The following PREX1 variants were observed in gnomAD, a reference collection of about 807,000 sequenced individuals.
PREX1 encodes phosphatidylinositol-3,4,5-trisphosphate dependent Rac exchange factor 1.
In PREX1, 41 loss-of-function variants were observed where a neutral mutation model predicts 198.3. The ratio of observed to expected loss-of-function variants is 0.21; its 90% confidence interval spans 0.16 to 0.27. The LOEUF is 0.27. Ranked by LOEUF, PREX1 falls within the 10% of genes least tolerant of loss-of-function variation. PREX1 has a pLI of 1.00. For synonymous variants in PREX1, 843 were observed against 887.2 expected, an observed-to-expected ratio of 0.95 and a Z score of 0.89; for missense variants, 1,620 against 2,200.7, an observed-to-expected ratio of 0.74 and a Z score of 5.28.
rs369733036 is a variant in PREX1 at position 48,688,662 on chromosome 20, A to G, written c.1329T>C (p.Leu443=). 1.4e-5 allele frequency: 22 copies of G among 1,614,120 alleles called. No individual in the cohort carries two copies. The South Asian group carries it at 2.3e-4, about 17-fold the overall frequency. Residue 443 remains leucine, a synonymous_variant, in exon 10 of 40, where the codon CTT becomes CTC. Transcript: ENST00000371941. The part of the protein sequence containing the change: ...RKLSTVPKCF[L]GNEFVAWLLE... ...TTCAGAGTGAGGCTACTCACTTGCC[A>G]AGAAAGCACTTGGGGACAGTGCTCA... is the stretch of plus-strand genomic sequence containing the variant.
intron 14 of PREX1, among the ~76,000 whole-genome samples, chr20:48,672,718 C>G (rs76278087): frequency 0.041 from 6,294 of 152,346 alleles, 174 homozygotes; most frequent in Middle Eastern, 0.068. Flanking sequence ...TCACTCCCCA[C>G]TTCCCTCAGC....
intron 16 of PREX1, among the ~76,000 whole-genome samples, chr20:48,659,132 GGAGAGGA>G (rs1179860548): frequency 2.2e-4 from 32 of 147,184 alleles, no homozygotes; most frequent in Middle Eastern, 3.4e-3. Flanking sequence ...GGGAGGCAGA[GGAGAGGA>G]GAGAGGAGAG....
In PREX1 at chr20:48,624,900, AAG is replaced by A. The variant is rs1259832010; in HGVS notation, c.*983_*984del. 5.9e-5 allele frequency: 9 copies of A among 152,262 alleles called. No homozygotes were observed. The highest frequency in any genetic ancestry group is 5.2e-4 in the Admixed American group (8 of 15,276). 9.4% of individuals were successfully genotyped at this position (152,262 alleles called of 1,614,324 possible). A position where few individuals can be genotyped will look rare whatever the true frequency, so the allele number is the denominator to read the frequency against. On this transcript the variant is annotated 3_prime_UTR_variant, in exon 40 of 40. Coordinates refer to ENST00000371941, the MANE Select transcript of PREX1 (RefSeq NM_020820.4). ...TCAGGCCCTTGTAGCCAGTCACTCA[AAG>A]AGAGCGAGTTCTAACACCGGCCAAC... is the stretch of plus-strand genomic sequence containing the variant.
intron 1 of PREX1, among the ~76,000 whole-genome samples, chr20:48,806,033 G>A (rs1157016309): frequency 1.3e-5 from 2 of 152,238 alleles, no homozygotes; most frequent in African/African-American, 2.4e-5. Context: ...GTAATACTGT[G>A]TGATAAGGCT....
At chr20:48,629,309 A>G (rs1477321264) in intron 37 of PREX1, 140 bp downstream of exon 37, 1 of 1,174,920 alleles carries the variant, frequency 8.5e-7, no homozygotes, top group Non-Finnish European at 1.2e-6. Context: ...ACTGAGGTGC[A>G]GACAGAGCCA....
chr20:48,786,698 T>C (rs1049550144), intron 1 of PREX1, among the ~76,000 whole-genome samples: 1 of 145,550 alleles, frequency 6.9e-6, no homozygotes, highest in Non-Finnish European at 1.5e-5. Context: ...TGAGCCAAGA[T>C]CATGCCACTG....
chr20:48,794,271 A>G (rs1035921254), intron 1 of PREX1, among the ~76,000 whole-genome samples: 25 of 152,208 alleles, frequency 1.6e-4, no homozygotes, highest in East Asian at 5.8e-4. Context: ...GAAGCCAGAC[A>G]GTGAGAGGGA....
At chr20:48,849,709 T>A in the PREX1 span, among the ~76,000 whole-genome samples, 1 of 152,260 alleles carries the variant, frequency 6.6e-6, no homozygotes, top group Non-Finnish European at 1.5e-5. Context: ...GTGCAAAATG[T>A]CTTTTACATC....
intron 18 of PREX1, among the ~76,000 whole-genome samples, chr20:48,655,880 T>G (rs1213723142): frequency 1.3e-5 from 2 of 152,124 alleles, no homozygotes; most frequent in African/African-American, 4.8e-5. Context: ...GCAATGGGTG[T>G]CACTGCTCCT....
chr20:48,791,746 A>G (rs1240508602), intron 1 of PREX1, among the ~76,000 whole-genome samples: 3 of 152,234 alleles, frequency 2.0e-5, no homozygotes, highest in Non-Finnish European at 4.4e-5. Context: ...AGAGTATGCA[A>G]ACTGGCAACC....
chr20:48,756,626 G>A (rs922229731), intron 1 of PREX1, among the ~76,000 whole-genome samples: 4 of 152,120 alleles, frequency 2.6e-5, no homozygotes, highest in African/African-American at 9.7e-5. Flanking sequence ...CTTCCTGAAA[G>A]CATACAAAGA....
chr20:48,675,889 C>T (rs1282551814), intron 14 of PREX1, among the ~76,000 whole-genome samples: 1 of 152,010 alleles, frequency 6.6e-6, no homozygotes, highest in East Asian at 1.9e-4. Context: ...TTACAAAAAT[C>T]AGCTGGGTGT....
rs2089639121 is a variant in PREX1, at chr20:48,666,166, C to T, written c.1738+117G>A. 9.3e-7 allele frequency: 1 copy of T among 1,077,728 alleles called. No individual in the cohort carries two copies. Among genetic ancestry groups the T allele is most frequent in the Non-Finnish European group, 1.3e-6 (1 of 746,008 alleles). The allele number at this position is 1,077,728 out of a possible 1,614,324, so 66.8% of individuals were successfully genotyped here. On this transcript the variant is annotated intron_variant, in intron 15 of 39. Coordinates refer to ENST00000371941, the MANE Select transcript of PREX1 (RefSeq NM_020820.4). The surrounding 1 kb of genome is among the most constrained non-coding windows in gnomAD (Gnocchi z 4.3). The stretch of plus-strand genomic sequence containing the variant: ...GGGAGGTGGGATTCGTGAGCCTCCC[C>T]AAACCCCCGGGGGTCTAGAGAGCCA...
chr20:48,858,868 G>A, the PREX1 span, among the ~76,000 whole-genome samples: 7 of 152,132 alleles, frequency 4.6e-5, no homozygotes, highest in Non-Finnish European at 7.4e-5. Context: ...ACTGTACTGC[G>A]TACTTTATTT....
the PREX1 span, among the ~76,000 whole-genome samples, chr20:48,876,830 T>C: frequency 1.3e-5 from 2 of 152,204 alleles, no homozygotes; most frequent in African/African-American, 4.8e-5. Flanking sequence ...CCATGAGCTC[T>C]TTGGGAACCA....
chr20:48,712,089 G>C (rs1407578722), intron 5 of PREX1, among the ~76,000 whole-genome samples: 3 of 152,216 alleles, frequency 2.0e-5, no homozygotes, highest in Admixed American at 6.5e-5. Context: ...TATTACAAAA[G>C]ACCCCACCGT....
intron 1 of PREX1, among the ~76,000 whole-genome samples, chr20:48,818,459 G>A (rs1432291565): frequency 1.3e-5 from 2 of 152,224 alleles, no homozygotes; most frequent in African/African-American, 2.4e-5. Context: ...TAAGTGAGAT[G>A]TAACTGTAAC....
At chr20:48,768,171 CTCTCAGTGT>C (rs1276883531) in intron 1 of PREX1, among the ~76,000 whole-genome samples, 1 of 152,168 alleles carries the variant, frequency 6.6e-6, no homozygotes, top group East Asian at 1.9e-4. Flanking sequence ...AAGCCTCTAT[CTCTCAGTGT>C]TCTTTTGAGG....
At chr20:48,852,546 G>A in the PREX1 span, among the ~76,000 whole-genome samples, 30 of 152,198 alleles carry the variant, frequency 2.0e-4, no homozygotes, top group South Asian at 5.8e-3. Context: ...TACACACCCC[G>A]GTCATCTTTT....
Sources: gnomAD v4.1 joint callset for allele counts (sites outside exome capture counted in the v4.1 genomes callset) on GRCh38, gnomAD v4.1.1 for gene constraint, Gnocchi (gnomAD v3.1) non-coding constraint, MANE v1.5 for transcripts, NCBI Gene and HGNC (gene_info 2026-07-23, HGNC 2026-07-21) for gene names.